Variants in GPC5 observed in about 807,000 individuals in gnomAD.
The protein encoded by GPC5 is glypican 5.
In GPC5, 47 loss-of-function variants were observed where a neutral mutation model predicts 53.9. The observed-to-expected ratio is 0.87, with a 90% CI of 0.69 to 1.11. The LOEUF (loss-of-function observed/expected upper bound fraction) is 1.11. Among genes scored for constraint, GPC5 ranks in the 50% most tolerant of loss-of-function variants. The pLI is 0.00. For synonymous variants in GPC5, 286 were observed against 263.3 expected (o/e 1.09, Z -0.84); for missense variants, 748 against 713.1 (o/e 1.05, Z -0.56).
intron 6 of GPC5, among the ~76,000 whole-genome samples, chr13:92,048,137 G>C (rs1333971461): frequency 6.6e-6 from 1 of 151,976 alleles, no homozygotes; most frequent in Non-Finnish European, 1.5e-5. Flanking sequence ...AAATAATCAA[G>C]GTTCAGCCTT....
chr13:92,465,766 A>T (rs1356482469), intron 7 of GPC5, among the ~76,000 whole-genome samples: 7 of 152,072 alleles, frequency 4.6e-5, no homozygotes, highest in African/African-American at 1.7e-4. Flanking sequence ...ACAGCAGTGC[A>T]GGTTTTTATA....
chr13:91,914,608 T>C (rs1318714822), intron 6 of GPC5, among the ~76,000 whole-genome samples: 1 of 151,786 alleles, frequency 6.6e-6, no homozygotes, highest in East Asian at 1.9e-4. Context: ...GACACTCTGA[T>C]TTTAGTAGAA....
At chr13:92,608,027 C>A (rs984404623) in intron 7 of GPC5, among the ~76,000 whole-genome samples, 4 of 152,138 alleles carry the variant, frequency 2.6e-5, no homozygotes, top group Admixed American at 2.6e-4. Context: ...TTCTTAATAA[C>A]ATTTTCTTTT....
intron 2 of GPC5, among the ~76,000 whole-genome samples, chr13:91,462,170 T>C (rs1233762769): frequency 6.6e-6 from 1 of 152,100 alleles, no homozygotes; most frequent in Non-Finnish European, 1.5e-5. Context: ...ATGACTGGCT[T>C]AACAAACGCC....
chr13:92,422,447 A>C (rs1340511964), intron 7 of GPC5, among the ~76,000 whole-genome samples: 2 of 149,236 alleles, frequency 1.3e-5, no homozygotes, highest in Non-Finnish European at 3.0e-5. Flanking sequence ...TGCACCCTCA[A>C]ATTTTATGAG....
At chr13:92,761,892 A>G (rs1320971050) in intron 7 of GPC5, among the ~76,000 whole-genome samples, 1 of 152,160 alleles carries the variant, frequency 6.6e-6, no homozygotes, top group African/African-American at 2.4e-5. Context: ...GCTGAAAGAG[A>G]AAAAGAAAAC....
At chr13:91,404,681 C>G (rs1594042336) in intron 1 of GPC5, among the ~76,000 whole-genome samples, 1 of 152,128 alleles carries the variant, frequency 6.6e-6, no homozygotes, top group Non-Finnish European at 1.5e-5. Context: ...CATATGGCTA[C>G]TATGTAAGTT....
chr13:92,536,710 C>T (rs192091740), intron 7 of GPC5, among the ~76,000 whole-genome samples: 43 of 152,016 alleles, frequency 2.8e-4, no homozygotes, highest in African/African-American at 1.0e-3. Context: ...CTTGAGTAAC[C>T]ATGAATATCA....
chr13:92,412,132 G>GTGTCTGTGAGAC, intron 7 of GPC5, among the ~76,000 whole-genome samples: 1 of 152,240 alleles, frequency 6.6e-6, no homozygotes, highest in East Asian at 1.9e-4. Flanking sequence ...TGACATCTTT[G>GTGTCTGTGAGAC]ATCCTCTGTG....
intron 6 of GPC5, among the ~76,000 whole-genome samples, chr13:92,127,043 G>C (rs1458677377): frequency 6.6e-6 from 1 of 151,864 alleles, no homozygotes; most frequent in Non-Finnish European, 1.5e-5. Flanking sequence ...TTTCCTAATG[G>C]TTAGAAAGGA....
rs1566400471 is a variant in GPC5 at position 92,751,302 on chromosome 13, T to TAAAAAAAAAAAAAAAAA, written c.1562-114980_1562-114979insAAAAAAAAAAAAAAAAA. 6.1e-3 allele frequency among the ~76,000 whole-genome samples: 209 copies of TAAAAAAAAAAAAAAAAA among 34,402 alleles called. 48 individuals are homozygous for TAAAAAAAAAAAAAAAAA. The highest frequency in any genetic ancestry group is 0.045 in the Middle Eastern group (2 of 44). The allele number at this position is 34,402 out of a possible 152,430, so 22.6% of individuals were successfully genotyped here. ...AAAACCTTTGGTCATCCAGAAACAT[T>TAAAAAAAAAAAAAAAAA]TAAAAAAAAAAAAAAAAAAAAAAAA... On this transcript the variant is annotated intron_variant, in intron 7 of 7. Coordinates refer to ENST00000377067, the MANE Select transcript of GPC5 (RefSeq NM_004466.6).
chr13:91,763,018 T>C (rs1168143693), intron 5 of GPC5, among the ~76,000 whole-genome samples: 3 of 152,180 alleles, frequency 2.0e-5, no homozygotes, highest in Non-Finnish European at 2.9e-5. Flanking sequence ...TCCTGGATTA[T>C]CTAAGAGTCT....
chr13:91,763,493 A>C (rs183258627), intron 5 of GPC5, among the ~76,000 whole-genome samples: 1 of 152,342 alleles, frequency 6.6e-6, no homozygotes, highest in Admixed American at 6.5e-5. Context: ...TGCAGTCTTC[A>C]TTAAGGGAAG....
chr13:91,753,080 T>C (rs780603636), intron 4 of GPC5, among the ~76,000 whole-genome samples: 24 of 152,158 alleles, frequency 1.6e-4, no homozygotes, highest in Non-Finnish European at 2.8e-4. Flanking sequence ...GGGGCTACTG[T>C]GTGTAAAGCC....
intron 7 of GPC5, among the ~76,000 whole-genome samples, chr13:92,744,424 A>G (rs1475342846): frequency 6.6e-6 from 1 of 151,948 alleles, no homozygotes; most frequent in Non-Finnish European, 1.5e-5. Flanking sequence ...TCAAGGCTGA[A>G]GATTATGGAA....
At chr13:92,289,135 T>G (rs74316517) in intron 7 of GPC5, among the ~76,000 whole-genome samples, 10,696 of 150,538 alleles carry the variant, frequency 0.071, 1,284 homozygotes, top group African/African-American at 0.25. Flanking sequence ...AAGGAAGTAA[T>G]TGGAAGCTAT....
At chr13:92,710,510 G>T (rs1888099336) in intron 7 of GPC5, among the ~76,000 whole-genome samples, 2 of 152,198 alleles carry the variant, frequency 1.3e-5, no homozygotes, top group Non-Finnish European at 2.9e-5. Flanking sequence ...ACAAGTTACA[G>T]CAAAGAGAAA....
intron 7 of GPC5, among the ~76,000 whole-genome samples, chr13:92,312,848 A>G (rs1446158685): frequency 6.6e-6 from 1 of 152,212 alleles, no homozygotes; most frequent in Non-Finnish European, 1.5e-5. Context: ...TGTCTAATAC[A>G]TAAGCGATTT....
chr13:91,811,982 C>A (rs1215181334), intron 5 of GPC5, among the ~76,000 whole-genome samples: 1 of 152,162 alleles, frequency 6.6e-6, no homozygotes, highest in African/African-American at 2.4e-5. Context: ...TAGACCCATG[C>A]TCTGAAACAG....
Sources: allele counts gnomAD v4.1 joint callset (sites outside exome capture counted in the v4.1 genomes callset), GRCh38; gene constraint gnomAD v4.1.1; transcripts MANE v1.5; gene names NCBI Gene and HGNC (gene_info 2026-07-23, HGNC 2026-07-21).